Variants in ABTB2 observed in about 807,000 individuals in gnomAD.
ABTB2 encodes the protein ankyrin repeat and BTB domain containing 2, also known as ankyrin repeat and BTB/POZ domain-containing protein 2.
In ABTB2, 56 loss-of-function variants were observed where a neutral mutation model predicts 104.1. The observed-to-expected ratio is 0.54, with a 90% CI of 0.43 to 0.67. ABTB2 has a LOEUF of 0.67. Ranked by LOEUF, ABTB2 falls within the 30% of genes least tolerant of loss-of-function variation. The pLI is 0.00. For synonymous variants in ABTB2, 606 were observed against 608.2 expected (o/e 1.00, Z 0.05); for missense variants, 1,279 against 1,407.7 (o/e 0.91, Z 1.46).
intron 1 of ABTB2, among the ~76,000 whole-genome samples, chr11:34,260,757 G>A (rs1431946562): frequency 6.6e-6 from 1 of 152,124 alleles, no homozygotes; most frequent in South Asian, 2.1e-4. Context: ...CCTGCCCAGG[G>A]TCATGCAAAA....
chr11:34,248,066 TCATTC>T (rs1854006267), intron 1 of ABTB2, among the ~76,000 whole-genome samples: 1 of 126,104 alleles, frequency 7.9e-6, no homozygotes, highest in Admixed American at 9.2e-5. Flanking sequence ...CAGGTAGCAA[TCATTC>T]AATTTACTTA....
At chr11:34,269,056 C>T (rs1193339242) in intron 1 of ABTB2, among the ~76,000 whole-genome samples, 2 of 152,204 alleles carry the variant, frequency 1.3e-5, no homozygotes, top group Admixed American at 1.3e-4. Flanking sequence ...ACAGCAGTTG[C>T]CCTTTGTGTT....
intron 1 of ABTB2, among the ~76,000 whole-genome samples, chr11:34,273,011 G>A (rs1322898898): frequency 1.3e-5 from 2 of 152,064 alleles, no homozygotes; most frequent in Non-Finnish European, 2.9e-5. Flanking sequence ...TAAAGGCTAG[G>A]AAGATTAAAT....
rs758161018 is a variant in ABTB2 at position 34,161,036 on chromosome 11, G to A, written c.2264C>T (p.Ser755Leu). The A allele has an allele frequency of 9.9e-6, 16 of 1,612,870 alleles. No individual in the cohort carries two copies. Among genetic ancestry groups the A allele is most frequent in the South Asian group, 2.2e-5 (2 of 90,990 alleles). The change falls in exon 11 of 17, where the codon TCG (serine) becomes TTG (leucine). Residue 755 changes from serine to leucine, a missense_variant. Transcript: ENST00000435224. ...LHIWIESLRT[S>L]FSQSRYSVVQ... ...CACCGAGTACCGCGACTGCGAGAAC[G>A]AGGTCCTCAGAGACTCGATCCAGAT...
rs1852911088 is a variant in ABTB2, at chr11:34,173,260, A to G, written c.1292T>C (p.Ile431Thr). Reference sequence around the variant, plus strand: ...GCTGCGGCGGTGCTCTGCGTAGGTGATGGCCACGCGCATCCACTCCATGAG... The same window carrying G: ...GCTGCGGCGGTGCTCTGCGTAGGTGGTGGCCACGCGCATCCACTCCATGAG... ...PPLMEWMRVA[I>T]TYAEHRRSLT... Residue 431 changes from isoleucine (I) to threonine (T), a missense_variant, in exon 4 of 17, where the codon ATC (isoleucine) becomes ACC (threonine). Coordinates refer to ENST00000435224, the MANE Select transcript of ABTB2 (RefSeq NM_145804.3). 9 of 1,610,588 alleles carry G rather than the reference A, an allele frequency of 5.6e-6. No homozygotes were observed. Among genetic ancestry groups the G allele is most frequent in the Non-Finnish European group, 5.1e-6 (6 of 1,178,874 alleles).
intron 3 of ABTB2, among the ~76,000 whole-genome samples, chr11:34,192,287 T>C (rs1853186402): frequency 2.0e-5 from 3 of 152,182 alleles, no homozygotes; most frequent in Admixed American, 1.3e-4. Context: ...AGCAAGACCC[T>C]GTTTCCAAGA....
intron 1 of ABTB2, among the ~76,000 whole-genome samples, chr11:34,286,855 A>C (rs956257825): frequency 6.6e-6 from 1 of 152,230 alleles, no homozygotes; most frequent in Admixed American, 6.5e-5. Flanking sequence ...TCAAAAGCTT[A>C]TATACTGCAT....
chr11:34,349,241 C>T (rs1433313348), intron 1 of ABTB2, among the ~76,000 whole-genome samples: 1 of 152,182 alleles, frequency 6.6e-6, no homozygotes, highest in African/African-American at 2.4e-5. Flanking sequence ...GAGAATTGCT[C>T]TCTGGGGGCC....
At chr11:34,350,359 C>T (rs986917839) in intron 1 of ABTB2, among the ~76,000 whole-genome samples, 1 of 152,212 alleles carries the variant, frequency 6.6e-6, no homozygotes, top group African/African-American at 2.4e-5. Flanking sequence ...ATGTATTAGC[C>T]TTTGCTGAGC....
Position 34,239,440 on chromosome 11 carries a change from C to T in ABTB2, c.884-34750G>A, listed in dbSNP as rs553002845. Among the ~76,000 whole-genome samples the T allele has an allele frequency of 3.8e-4, 58 of 152,176 alleles. 1 individual carries two copies. Among genetic ancestry groups the T allele is most frequent in the African/African-American group, 1.3e-3 (55 of 41,512 alleles). ...CAAACTCCTGGGCTCAAGCAATCCT[C>T]CTACCTCAGCCTCCTGAGTAGCTGA... On this transcript the variant is annotated intron_variant, in intron 1 of 16. Transcript: ENST00000435224.
intron 1 of ABTB2, among the ~76,000 whole-genome samples, chr11:34,309,984 C>T (rs1251996576): frequency 2.0e-5 from 3 of 152,160 alleles, no homozygotes; most frequent in Non-Finnish European, 2.9e-5. Context: ...TCAGGAAACC[C>T]GGATCACTCC....
chr11:34,223,155 C>T (rs1883963), intron 1 of ABTB2, among the ~76,000 whole-genome samples: 3,719 of 152,222 alleles, frequency 0.024, 162 homozygotes, highest in African/African-American at 0.086. Context: ...AGTGAGTTTA[C>T]GAGGCTGGCG....
At chr11:34,206,769 T>A (rs2133041828) in intron 1 of ABTB2, among the ~76,000 whole-genome samples, 1 of 152,270 alleles carries the variant, frequency 6.6e-6, no homozygotes, top group East Asian at 1.9e-4. Context: ...GTTCTGCAGG[T>A]TCAGCTGATG....
At position 34,210,692 on chromosome 11, in the gene ABTB2, G is replaced by A. The variant is rs1194852310; in HGVS notation, c.884-6002C>T. ...GGCCCCACTAGCCCACCAGCTACCC[G>A]GCTCAGGGAAGCTCATGGCCAAGGC... On this transcript the variant is annotated intron_variant, in intron 1 of 16. Coordinates refer to ENST00000435224, the MANE Select transcript of ABTB2 (RefSeq NM_145804.3). 9.2e-5 allele frequency among the ~76,000 whole-genome samples: 14 copies of A among 152,174 alleles called. 1 individual carries two copies. The East Asian group carries it at 1.9e-3, about 21-fold the overall frequency.
At chr11:34,183,342 T>C (rs1853052417) in intron 3 of ABTB2, among the ~76,000 whole-genome samples, 1 of 152,204 alleles carries the variant, frequency 6.6e-6, no homozygotes, top group South Asian at 2.1e-4. Flanking sequence ...TCAAGCCAAC[T>C]GCCTACCTTG....
At chr11:34,202,626 G>A (rs1853358292) in intron 2 of ABTB2, among the ~76,000 whole-genome samples, 2 of 152,074 alleles carry the variant, frequency 1.3e-5, no homozygotes, top group Non-Finnish European at 2.9e-5. Flanking sequence ...AATCACTTGA[G>A]GTGAGGAGTT....
chr11:34,295,760 C>T (rs570032735), intron 1 of ABTB2, among the ~76,000 whole-genome samples: 12 of 152,234 alleles, frequency 7.9e-5, no homozygotes, highest in African/African-American at 2.9e-4. Context: ...TGGTGAGGGC[C>T]CTCTTCTGGG....
At chr11:34,166,098 C>G (rs1852797025) in intron 7 of ABTB2, among the ~76,000 whole-genome samples, 1 of 152,248 alleles carries the variant, frequency 6.6e-6, no homozygotes, top group Non-Finnish European at 1.5e-5. Context: ...ACTTTCAGCT[C>G]CCTTTCCACC....
rs10529537 is a variant in ABTB2, at chr11:34,214,139, A to AACACACACACACACACAC, written c.884-9467_884-9450dup. ...TTTTCTATTAAGGCAGCACATTCAA[A>AACACACACACACACACAC]ACACACACACACACACACACACACA... On this transcript the variant is annotated intron_variant, in intron 1 of 16. Transcript: ENST00000435224. Among the ~76,000 whole-genome samples, 688 of 139,218 alleles carry AACACACACACACACACAC rather than the reference A, an allele frequency of 4.9e-3. 12 individuals carry two copies. The highest frequency in any genetic ancestry group is 0.016 in the African/African-American group (570 of 35,444). 91.3% of individuals were successfully genotyped at this position (139,218 alleles called of 152,430 possible). A position where few individuals can be genotyped will look rare whatever the true frequency, so the allele number is the denominator to read the frequency against.
Sources: allele counts gnomAD v4.1 joint callset (sites outside exome capture counted in the v4.1 genomes callset), GRCh38; gene constraint gnomAD v4.1.1; transcripts MANE v1.5; gene names NCBI Gene and HGNC (gene_info 2026-07-23, HGNC 2026-07-21).